ASNS: variants seen among roughly 807,000 people sequenced by gnomAD.
ASNS encodes asparagine synthetase (glutamine-hydrolyzing), also known as asparagine synthetase [glutamine-hydrolyzing].
Under a neutral mutation model 62.6 loss-of-function variants are expected in ASNS, and 37 were observed. That is an observed-to-expected ratio of 0.59 (90% CI 0.45 to 0.78). ASNS has a LOEUF of 0.78. Ranked by LOEUF, ASNS falls within the 30% of genes least tolerant of loss-of-function variation. The pLI, the probability that ASNS is intolerant of heterozygous loss-of-function variation, is 0.00. For missense variants in ASNS, 520 were observed against 682.4 expected (o/e 0.76, Z 2.65); for synonymous variants, 207 against 237.9 (o/e 0.87, Z 1.19).
chr7:97,868,536 T>TGC (rs144368150), intron 3 of ASNS, among the ~76,000 whole-genome samples: 65,343 of 151,588 alleles, frequency 0.43, 14,192 homozygotes, highest in East Asian at 0.55. Flanking sequence ...TGTGTGTGTG[T>TGC]GTGTGTGTAG....
intron 4 of ASNS, chr7:97,863,038 G>C (rs1052949855): frequency 6.6e-6 from 1 of 152,162 alleles, no homozygotes; most frequent in Non-Finnish European, 1.5e-5. Flanking sequence ...TACACTGCTG[G>C]AGTGAATAAA....
the ASNS span, among the ~76,000 whole-genome samples, chr7:97,896,591 C>T: frequency 1.9e-5 from 1 of 53,864 alleles, no homozygotes; most frequent in Non-Finnish European, 3.6e-5. Context: ...AGCAAGACTC[C>T]ATCTCAAAAA....
At chr7:97,858,442 T>C (rs368524221) in intron 6 of ASNS, 37 bp from the exon 7 acceptor site, 40 of 1,613,076 alleles carry the variant, frequency 2.5e-5, no homozygotes, top group Non-Finnish European at 3.2e-5. Context: ...GTCCTAGTTA[T>C]GTGCCTTGCA....
In ASNS at chr7:97,852,158, C is replaced by G. The variant is rs1791207003; in HGVS notation, c.*101G>C. 1 of 1,341,410 alleles carries G rather than the reference C, an allele frequency of 7.5e-7. No homozygotes were observed. The highest frequency in any genetic ancestry group is 1.5e-5 in the African/African-American group (1 of 68,082). The allele number at this position is 1,341,410 out of a possible 1,614,324, so 83.1% of individuals were successfully genotyped here. On this transcript the variant is annotated 3_prime_UTR_variant, in exon 13 of 13. Coordinates refer to ENST00000394308, the MANE Select transcript of ASNS (RefSeq NM_001673.5). ...ATTTAGGACTTTTATTTTTTTCACA[C>G]CCAAGTTAGCCTGAGTTGACTCTCA...
chr7:97,875,416 G>A (rs1406242470), upstream of ASNS, among the ~76,000 whole-genome samples: 2 of 152,230 alleles, frequency 1.3e-5, no homozygotes, highest in African/African-American at 2.4e-5. Flanking sequence ...TGGGATGACA[G>A]GCATGAGCCA....
the ASNS span, among the ~76,000 whole-genome samples, chr7:97,919,995 C>T: frequency 6.6e-6 from 1 of 151,876 alleles, no homozygotes; most frequent in Admixed American, 6.6e-5. Flanking sequence ...TCTCTTCCCT[C>T]CTCCTCTTGT....
chr7:97,858,213 C>A lies in ASNS; in HGVS notation c.903+65G>T, dbSNP rs1584463140. 19 of 1,576,074 alleles carry A rather than the reference C, an allele frequency of 1.2e-5. No homozygotes were observed. The East Asian group carries it at 4.0e-4, about 34-fold the overall frequency. ...CAGTAGAATCACCCATTATTGACTC[C>A]ATTTTCATTCTAATAACAAGTCTAC... On this transcript the variant is annotated intron_variant, in intron 7 of 12. Transcript: ENST00000394308.
the ASNS span, among the ~76,000 whole-genome samples, chr7:97,879,271 G>A: frequency 6.6e-6 from 1 of 152,132 alleles, no homozygotes; most frequent in African/African-American, 2.4e-5. Flanking sequence ...AAAAGCAATG[G>A]CAACAAAAGC....
chr7:97,863,203 GC>G (rs1791804563), intron 4 of ASNS: 1 of 152,186 alleles, frequency 6.6e-6, no homozygotes, highest in Non-Finnish European at 1.5e-5. Context: ...ATTCATAATA[GC>G]CAAAAGGGGT....
chr7:97,873,543 TCAAA>T (rs539139763), upstream of ASNS, among the ~76,000 whole-genome samples: 376 of 152,342 alleles, frequency 2.5e-3, 1 homozygote, highest in South Asian at 0.017. Context: ...GTTTTCAGTA[TCAAA>T]CAGACTTTGC....
the ASNS span, among the ~76,000 whole-genome samples, chr7:97,896,741 C>CACACACACACACATATAT: frequency 1.5e-4 from 3 of 19,780 alleles, no homozygotes; most frequent in African/African-American, 3.3e-4. Context: ...CACACACACA[C>CACACACACACACATATAT]ATATATATAT....
intron 9 of ASNS, chr7:97,854,899 C>A: frequency 3.1e-6 from 2 of 651,850 alleles, no homozygotes; most frequent in Non-Finnish European, 2.5e-6. Flanking sequence ...GGGCAACAGT[C>A]ATAATTCCAC....
chr7:97,881,875 G>A, the ASNS span, among the ~76,000 whole-genome samples: 1 of 152,076 alleles, frequency 6.6e-6, no homozygotes, highest in Non-Finnish European at 1.5e-5. Context: ...CCAACACAGC[G>A]TGACCGATTT....
chr7:97,909,969 GA>G, the ASNS span, among the ~76,000 whole-genome samples: 1 of 152,280 alleles, frequency 6.6e-6, no homozygotes, highest in African/African-American at 2.4e-5. Context: ...AGCACCCACT[GA>G]AAGCTCAGCT....
At chr7:97,916,902 A>G in the ASNS span, among the ~76,000 whole-genome samples, 1 of 152,170 alleles carries the variant, frequency 6.6e-6, no homozygotes, top group Non-Finnish European at 1.5e-5. Flanking sequence ...GACCCTATGA[A>G]GAAGACAGGA....
the ASNS span, among the ~76,000 whole-genome samples, chr7:97,880,933 G>T: frequency 1.1e-3 from 70 of 63,912 alleles, 1 homozygote; most frequent in African/African-American, 5.7e-3. Flanking sequence ...GTGTGTGTGT[G>T]TTTTTGTTTT....
At chr7:97,924,422 A>G in the ASNS span, among the ~76,000 whole-genome samples, 1 of 152,208 alleles carries the variant, frequency 6.6e-6, no homozygotes, top group African/African-American at 2.4e-5. Context: ...CCATGTCTTC[A>G]TGTCAGCTTG....
chr7:97,913,213 G>A, the ASNS span: 2 of 152,270 alleles, frequency 1.3e-5, no homozygotes, highest in East Asian at 3.9e-4. Flanking sequence ...AGCCAGTGGA[G>A]ACAGAAAGAC....
chr7:97,907,116 C>A, the ASNS span, among the ~76,000 whole-genome samples: 1 of 152,220 alleles, frequency 6.6e-6, no homozygotes. Context: ...CACTAACCAT[C>A]ATGTCTTGCT....
Sources: allele counts gnomAD v4.1 joint callset (sites outside exome capture counted in the v4.1 genomes callset), GRCh38; gene constraint gnomAD v4.1.1; transcripts MANE v1.5; gene names NCBI Gene and HGNC (gene_info 2026-07-23, HGNC 2026-07-21).